Variants in PTBP2 observed in about 807,000 individuals in gnomAD.
PTBP2 encodes the protein polypyrimidine tract binding protein 2, also known as polypyrimidine tract-binding protein 2.
PTBP2 carries 13 observed loss-of-function variants against 61.4 expected under a neutral mutation model. The observed-to-expected ratio is 0.21, with a 90% CI of 0.14 to 0.34. The LOEUF (loss-of-function observed/expected upper bound fraction) is 0.34. Ranked by LOEUF, PTBP2 falls within the 10% of genes least tolerant of loss-of-function variation. The pLI is 1.00. For missense variants in PTBP2, 405 were observed against 642.6 expected, an observed-to-expected ratio of 0.63 and a Z score of 4.00; for synonymous variants, 215 against 218.5, an observed-to-expected ratio of 0.98 and a Z score of 0.14.
intron 8 of PTBP2, among the ~76,000 whole-genome samples, chr1:96,792,681 G>A (rs1232222588): frequency 1.3e-5 from 2 of 151,464 alleles, no homozygotes; most frequent in African/African-American, 4.9e-5. Flanking sequence ...TACCAAAAAT[G>A]TGTATTGTTC....
chr1:96,782,477 A>G (rs1294915441), intron 7 of PTBP2, among the ~76,000 whole-genome samples: 1 of 152,026 alleles, frequency 6.6e-6, no homozygotes. Context: ...TTAATTTACA[A>G]TCTGTATATT....
intron 8 of PTBP2, among the ~76,000 whole-genome samples, chr1:96,792,121 G>A (rs909219831): frequency 3.3e-5 from 5 of 152,126 alleles, no homozygotes; most frequent in Non-Finnish European, 7.3e-5. Context: ...ACGGGCGTGA[G>A]CCACCGCGCC....
chr1:96,763,484 A>G (rs1656274243), intron 3 of PTBP2, among the ~76,000 whole-genome samples: 1 of 148,782 alleles, frequency 6.7e-6, no homozygotes, highest in South Asian at 2.3e-4. Context: ...AGGCTGAGGC[A>G]GGAGAATCAG....
intron 5 of PTBP2, among the ~76,000 whole-genome samples, chr1:96,776,729 A>C (rs1392664299): frequency 6.6e-6 from 1 of 151,668 alleles, no homozygotes; most frequent in African/African-American, 2.4e-5. Context: ...CTGTCATCAT[A>C]ATAACAGGAA....
intron 7 of PTBP2, among the ~76,000 whole-genome samples, chr1:96,784,550 C>T (rs1476332874): frequency 6.6e-6 from 1 of 151,760 alleles, no homozygotes; most frequent in African/African-American, 2.4e-5. Flanking sequence ...TTCTTTTTTG[C>T]CTCATTTTAT....
rs191359054 is a variant in PTBP2 at position 96,722,526 on chromosome 1, G to T, written c.8+654G>T. The stretch of plus-strand genomic sequence containing the variant: ...TTCATTTGAGTCTGGTAGTGGGGGC[G>T]GGAGGGAGGAAAAAATGCCTTTTTG... On this transcript the variant is annotated intron_variant, in intron 1 of 13. Coordinates refer to ENST00000674951, the MANE Select transcript of PTBP2 (RefSeq NM_021190.4). Among the ~76,000 whole-genome samples the T allele has an allele frequency of 3.5e-3, 530 of 152,088 alleles. 1 individual carries two copies. Among genetic ancestry groups the T allele is most frequent in the African/African-American group, 0.011 (471 of 41,474 alleles).
chr1:96,729,805 C>T (rs945004951), intron 2 of PTBP2, among the ~76,000 whole-genome samples: 3 of 148,968 alleles, frequency 2.0e-5, no homozygotes, highest in Admixed American at 6.7e-5. Flanking sequence ...GGCACCATCT[C>T]GGCTCAATGC....
chr1:96,726,702 G>T (rs1160648832), intron 2 of PTBP2, among the ~76,000 whole-genome samples: 2 of 152,092 alleles, frequency 1.3e-5, no homozygotes, highest in East Asian at 1.9e-4. Context: ...CTCCCAAAGT[G>T]CTGGGATTAC....
intron 10 of PTBP2, 103 bp from the exon 11 acceptor site, chr1:96,806,763 G>A (rs1661528611): frequency 3.7e-6 from 3 of 807,532 alleles, no homozygotes; most frequent in African/African-American, 3.5e-5. Flanking sequence ...TGATCATGTT[G>A]ATGTCTGAAT....
intron 8 of PTBP2, among the ~76,000 whole-genome samples, chr1:96,793,984 G>A (rs1233654934): frequency 6.6e-6 from 1 of 152,090 alleles, no homozygotes; most frequent in Non-Finnish European, 1.5e-5. Context: ...GTTTTTCAAA[G>A]GTTTAACTGT....
intron 11 of PTBP2, among the ~76,000 whole-genome samples, chr1:96,810,303 A>C (rs1371370404): frequency 6.6e-5 from 10 of 152,128 alleles, no homozygotes; most frequent in Non-Finnish European, 1.5e-4. Flanking sequence ...CATTGTTTAA[A>C]ATTTTATTCA....
intron 3 of PTBP2, among the ~76,000 whole-genome samples, chr1:96,758,057 G>A (rs1036551921): frequency 7.9e-5 from 12 of 151,936 alleles, no homozygotes; most frequent in African/African-American, 2.9e-4. Context: ...TATATGCAGA[G>A]TATAATAGTA....
chr1:96,724,399 C>T (rs1050320415), intron 2 of PTBP2, among the ~76,000 whole-genome samples: 1 of 151,934 alleles, frequency 6.6e-6, no homozygotes, highest in African/African-American at 2.4e-5. Flanking sequence ...TACAGGTGCG[C>T]ACCACCACGC....
intron 2 of PTBP2, among the ~76,000 whole-genome samples, chr1:96,728,958 T>C (rs1325595222): frequency 6.6e-6 from 1 of 152,220 alleles, no homozygotes; most frequent in Non-Finnish European, 1.5e-5. Context: ...GAAATGATTA[T>C]GGCATATTGC....
intron 3 of PTBP2, among the ~76,000 whole-genome samples, chr1:96,765,348 C>T (rs1459816621): frequency 5.3e-5 from 8 of 152,066 alleles, no homozygotes; most frequent in African/African-American, 1.7e-4. Context: ...TTTGCCGTGT[C>T]GTATTTTATA....
At chr1:96,735,164 C>G (rs1652000354) in intron 2 of PTBP2, among the ~76,000 whole-genome samples, 1 of 152,086 alleles carries the variant, frequency 6.6e-6, no homozygotes, top group African/African-American at 2.4e-5. Context: ...GTGATCTGCC[C>G]ACCTTGGCTT....
At chr1:96,822,841 C>G (rs1223362885) in exon 14 of PTBP2, 1 of 152,134 alleles carries the variant, frequency 6.6e-6, no homozygotes, top group Admixed American at 6.5e-5. Context: ...ATGGAAGAAA[C>G]ATGCATGTTT....
At chr1:96,755,106 T>G (rs951656206) in intron 3 of PTBP2, among the ~76,000 whole-genome samples, 8 of 152,308 alleles carry the variant, frequency 5.3e-5, no homozygotes, top group Admixed American at 2.0e-4. Context: ...ATAAAGGACT[T>G]CTATCCAGAA....
intron 2 of PTBP2, among the ~76,000 whole-genome samples, chr1:96,742,815 G>T (rs1221554446): frequency 6.6e-6 from 1 of 151,964 alleles, no homozygotes; most frequent in Non-Finnish European, 1.5e-5. Context: ...CATATAATCT[G>T]CAGATATATC....
Sources: allele counts gnomAD v4.1 joint callset (sites outside exome capture counted in the v4.1 genomes callset), GRCh38; gene constraint gnomAD v4.1.1; transcripts MANE v1.5; gene names NCBI Gene and HGNC (gene_info 2026-07-23, HGNC 2026-07-21).